DNAH1: variants seen among roughly 807,000 people sequenced by gnomAD.
DNAH1 encodes axonemal beta dynein heavy chain 1.
DNAH1 carries 327 observed loss-of-function variants against 484.3 expected under a neutral mutation model. The observed-to-expected ratio is 0.68, with a 90% CI of 0.62 to 0.74. DNAH1 has a LOEUF of 0.74. Ranked by LOEUF, DNAH1 falls within the 30% of genes least tolerant of loss-of-function variation. The pLI is 0.00. For missense variants in DNAH1, 5,052 were observed against 5,546.8 expected, an observed-to-expected ratio of 0.91 and a Z score of 2.83; for synonymous variants, 2,192 against 2,191.9, an observed-to-expected ratio of 1.00 and a Z score of 0.00.
At chr3:52,311,344 A>G (rs543921956), upstream of DNAH1, among the ~76,000 whole-genome samples, 1 of 152,166 alleles carries the variant, frequency 6.6e-6, no homozygotes, top group Non-Finnish European at 1.5e-5. Flanking sequence ...TCAGTTGCAC[A>G]AAGGAGTTAA....
In DNAH1 at chr3:52,394,461, C is replaced by T. The variant is rs762307252; in HGVS notation, c.10627-4C>T. 2.5e-5 allele frequency: 40 copies of T among 1,613,744 alleles called. No individual in the cohort carries two copies. The highest frequency in any genetic ancestry group is 1.2e-4 in the Admixed American group (7 of 59,974). On this transcript the variant is annotated splice_region_variant and splice_polypyrimidine_tract_variant and intron_variant, in intron 66 of 77. Transcript: ENST00000420323. ...GGCATCAGCCTCCTCCTGTCCCCTGCCAGAGTGAGTGGCGATACCTCCTGT... is the reference window on the plus strand; with the variant it reads ...GGCATCAGCCTCCTCCTGTCCCCTGTCAGAGTGAGTGGCGATACCTCCTGT...
At chr3:52,394,043 C>T (rs1388783826) in intron 66 of DNAH1, among the ~76,000 whole-genome samples, 2 of 152,364 alleles carry the variant, frequency 1.3e-5, no homozygotes, top group Middle Eastern at 3.4e-3. Flanking sequence ...TCCCCAGGGA[C>T]GGACTGTCCT....
rs193290403 is a variant in DNAH1 at position 52,346,696 on chromosome 3, C to T, written c.1881C>T (p.Ser627=). Residue 627 remains serine (S), a synonymous_variant, in exon 11 of 78, where the codon AGC becomes AGT. Coordinates refer to ENST00000420323, the MANE Select transcript of DNAH1 (RefSeq NM_015512.5). The part of the protein sequence containing the change: ...DSLASFSQFI[S]DTCCSVLNCT... ...TTGCCAGCTTCTCACAGTTCATCAG[C>T]GACACCTGTTGCAGCGTGCTCAACT... is the stretch of plus-strand genomic sequence containing the variant. The T allele has an allele frequency of 4.8e-5, 78 of 1,613,996 alleles. No individual in the cohort carries two copies. The highest frequency in any genetic ancestry group is 6.0e-5 in the Non-Finnish European group (71 of 1,179,878).
intron 44 of DNAH1, among the ~76,000 whole-genome samples, 200 bp from the exon 45 acceptor site, chr3:52,375,040 T>C (rs1703524631): frequency 8.0e-6 from 1 of 124,834 alleles, no homozygotes; most frequent in Non-Finnish European, 1.9e-5. Context: ...TTTTGAACTT[T>C]GTAAAAAAAA....
chr3:52,315,865 G>C (rs1469050174), upstream of DNAH1, among the ~76,000 whole-genome samples: 1 of 152,184 alleles, frequency 6.6e-6, no homozygotes, highest in African/African-American at 2.4e-5. Flanking sequence ...AGGAGAACAG[G>C]GACTGACTCA....
At chr3:52,330,227 C>T (rs1445179780) in intron 6 of DNAH1, among the ~76,000 whole-genome samples, 3 of 152,176 alleles carry the variant, frequency 2.0e-5, no homozygotes, top group Non-Finnish European at 2.9e-5. Flanking sequence ...CATTCCAGGC[C>T]CAGGGACACA....
At chr3:52,330,908 C>G (rs913241277) in intron 6 of DNAH1, among the ~76,000 whole-genome samples, 2 of 152,218 alleles carry the variant, frequency 1.3e-5, no homozygotes, top group Non-Finnish European at 2.9e-5. Context: ...TTGTGCTGAG[C>G]ACCAGGGCAG....
rs746915905 is a variant in DNAH1, at chr3:52,361,649, G to C, written c.4875-12G>C. The C allele has an allele frequency of 6.3e-7, 1 of 1,592,786 alleles. No individual in the cohort carries two copies. Among genetic ancestry groups the C allele is most frequent in the Non-Finnish European group, 8.5e-7 (1 of 1,169,950 alleles). On this transcript the variant is annotated splice_polypyrimidine_tract_variant and intron_variant, in intron 29 of 77. Coordinates refer to ENST00000420323, the MANE Select transcript of DNAH1 (RefSeq NM_015512.5). The surrounding 1 kb of genome is among the most constrained non-coding windows in gnomAD (Gnocchi z 5.6). Reference sequence around the variant, plus strand: ...ACACATGTGCCCCATCCAATGTTCCGGCCTCACTCAGTGCTGGGGCCTGGG... The same window carrying C: ...ACACATGTGCCCCATCCAATGTTCCCGCCTCACTCAGTGCTGGGGCCTGGG...
chr3:52,369,766 C>CT (rs1703244010), intron 37 of DNAH1, 59 bp from the exon 38 acceptor site: 1 of 1,546,892 alleles, frequency 6.5e-7, no homozygotes, highest in Non-Finnish European at 8.8e-7. Context: ...CCCTGCAGCC[C>CT]TTTCTCCAGG....
Position 52,355,094 on chromosome 3 carries a change from ACTT to A in DNAH1, c.3693+41_3693+43del. On this transcript the variant is annotated intron_variant, in intron 21 of 77. Transcript: ENST00000420323. This position sits in a 1 kb window ranked among gnomAD's most constrained non-coding sequence, Gnocchi z 4.5. The stretch of plus-strand genomic sequence containing the variant: ...CCAGTCCTTCCCTCATCGCTCCCCC[ACTT>A]CAGAGAGCCCGACCCACAGGTGTCA... 2.5e-6 allele frequency: 4 copies of A among 1,594,086 alleles called. No individual in the cohort carries two copies. The highest frequency in any genetic ancestry group is 3.4e-6 in the Non-Finnish European group (4 of 1,167,142).
intron 73 of DNAH1, 53 bp downstream of exon 73, chr3:52,397,097 G>A: frequency 1.3e-6 from 2 of 1,502,344 alleles, no homozygotes; most frequent in East Asian, 2.5e-5. Context: ...CTGGGGTTCT[G>A]GGGTACCATG....
In DNAH1 at chr3:52,370,718, C is replaced by T. The variant is rs368270256; in HGVS notation, c.6418C>T (p.Leu2140=). The change falls in exon 41 of 78, where the codon CTG becomes TTG. Residue 2140 remains leucine, a splice_region_variant and synonymous_variant. Transcript: ENST00000420323. ...TGCTTCTCCTCCTGGTTCCCGGCAG[C>T]TGACTCTGCTTTTCCCAGAAGAGGG... ...WLRLKMENEQ[L]TLLFPEEGLV... is the part of the protein sequence containing the mutation. 10 of 1,600,152 alleles carry T rather than the reference C, an allele frequency of 6.2e-6. No homozygotes were observed. Among genetic ancestry groups the T allele is most frequent in the Non-Finnish European group, 7.7e-6 (9 of 1,173,844 alleles).
rs932109765 is a variant in DNAH1 at position 52,331,230 on chromosome 3, G to A, written c.954G>A (p.Leu318=). The A allele has an allele frequency of 5.0e-6, 8 of 1,610,982 alleles. No individual in the cohort carries two copies. In the African/African-American group the frequency reaches 1.1e-4, roughly 22 times the overall value. The stretch of plus-strand genomic sequence containing the variant: ...ACGACGAGGAGAAGAAGCTATACCT[G>A]GTACACAAGACAGACGAGAAAGGCC... The part of the protein sequence containing the change: ...LDYDEEKKLY[L]VHKTDEKGLV... The change falls in exon 7 of 78, where the codon CTG becomes CTA. Residue 318 remains leucine (L), a synonymous_variant. Coordinates refer to ENST00000420323, the MANE Select transcript of DNAH1 (RefSeq NM_015512.5).
intron 8 of DNAH1, among the ~76,000 whole-genome samples, chr3:52,335,886 G>A (rs1046148688): frequency 1.3e-5 from 2 of 151,596 alleles, no homozygotes; most frequent in Non-Finnish European, 2.9e-5. Context: ...TGCCCACCTC[G>A]GCCTCTGAAA....
intron 25 of DNAH1, among the ~76,000 whole-genome samples, 195 bp from the exon 26 acceptor site, chr3:52,359,051 G>C (rs1421959569): frequency 1.3e-5 from 2 of 152,172 alleles, no homozygotes; most frequent in African/African-American, 2.4e-5. Flanking sequence ...CCAGCCTGCA[G>C]AGTCAGTTCA....
rs968038298 is a variant in DNAH1, at chr3:52,316,526, C to T, written c.-54C>T. 1.3e-5 allele frequency: 2 copies of T among 152,298 alleles called. No homozygotes were observed. Among genetic ancestry groups the T allele is most frequent in the Admixed American group, 6.5e-5 (1 of 15,276 alleles). 9.4% of individuals were successfully genotyped at this position (152,298 alleles called of 1,614,324 possible). On this transcript the variant is annotated 5_prime_UTR_variant, in exon 1 of 78. Transcript: ENST00000420323. ...CAGTTTGGATTCAGGAAAGGTTGCA[C>T]CACCATCAGGTCTTGAAGGGTGAGT...
upstream of DNAH1, among the ~76,000 whole-genome samples, chr3:52,312,621 C>T (rs1700819236): frequency 6.6e-6 from 1 of 151,904 alleles, no homozygotes; most frequent in Non-Finnish European, 1.5e-5. Context: ...CAGGGATGTG[C>T]CACCACGTCT....
At chr3:52,384,641 G>C in intron 52 of DNAH1, 145 bp from the exon 53 acceptor site, 1 of 806,152 alleles carries the variant, frequency 1.2e-6, no homozygotes, top group African/African-American at 1.8e-5. Flanking sequence ...CCTGGAGGTC[G>C]TGAGGCTCAT....
At position 52,391,235 on chromosome 3, in the gene DNAH1, C is replaced by G; in HGVS notation, c.9798C>G (p.Ser3266Arg). 4 of 1,613,888 alleles carry G rather than the reference C, an allele frequency of 2.5e-6. No individual in the cohort carries two copies. Among genetic ancestry groups the G allele is most frequent in the Non-Finnish European group, 3.4e-6 (4 of 1,179,852 alleles). ...TGAGTGACCGCGACTTCCTGCGCAG[C>G]ATGGAGAACGCCATCCGCTTTGGCA... ...FKLSDRDFLRSMENAIRFGKP... is the reference protein window; with the variant it reads ...FKLSDRDFLRRMENAIRFGKP... Residue 3266 changes from serine (S) to arginine (R), a missense_variant, in exon 62 of 78, where the codon AGC (serine) becomes AGG (arginine). Coordinates refer to ENST00000420323, the MANE Select transcript of DNAH1 (RefSeq NM_015512.5).
Sources: allele counts gnomAD v4.1 joint callset (sites outside exome capture counted in the v4.1 genomes callset), GRCh38; gene constraint gnomAD v4.1.1; non-coding constraint Gnocchi (gnomAD v3.1); transcripts MANE v1.5; gene names NCBI Gene and HGNC (gene_info 2026-07-23, HGNC 2026-07-21).